The following CNTN6 variants were observed in gnomAD, a reference collection of about 807,000 sequenced individuals.
CNTN6 encodes contactin-6.
In CNTN6, 137 loss-of-function variants were observed where a neutral mutation model predicts 122.8. The observed-to-expected ratio is 1.12, with a 90% CI of 0.97 to 1.29. CNTN6 has a LOEUF of 1.29. Among genes scored for constraint, CNTN6 ranks in the 50% most tolerant of loss-of-function variants. The pLI is 0.00. For missense variants in CNTN6, 1,634 were observed against 1,223.4 expected, an observed-to-expected ratio of 1.34 and a Z score of -5.01; for synonymous variants, 570 against 426.0, an observed-to-expected ratio of 1.34 and a Z score of -4.16.
intron 5 of CNTN6, among the ~76,000 whole-genome samples, chr3:1,281,763 T>G (rs1259429426): frequency 1.3e-5 from 2 of 152,212 alleles, no homozygotes; most frequent in African/African-American, 2.4e-5. Flanking sequence ...CATCAAATTT[T>G]TGATAACTTA....
chr3:1,124,557 C>G (rs547929552), intron 1 of CNTN6, among the ~76,000 whole-genome samples: 1 of 151,870 alleles, frequency 6.6e-6, no homozygotes, highest in Non-Finnish European at 1.5e-5. Context: ...TGGGAGGGAC[C>G]TGAGAGATAA....
intron 1 of CNTN6, among the ~76,000 whole-genome samples, chr3:1,124,555 A>G (rs55661408): frequency 0.42 from 63,091 of 151,536 alleles, 13,437 homozygotes; most frequent in East Asian, 0.48. Context: ...ATTGGGAGGG[A>G]CCTGAGAGAT....
At chr3:1,298,140 A>T (rs1355465610) in intron 7 of CNTN6, 149 bp downstream of exon 7, 4 of 606,334 alleles carry the variant, frequency 6.6e-6, no homozygotes, top group Non-Finnish European at 5.7e-6. Flanking sequence ...TTTGAATTTA[A>T]ACAAACATGT....
rs182195736 is a variant in CNTN6 at position 1,203,463 on chromosome 3, G to A, written c.56-17224G>A. On this transcript the variant is annotated intron_variant, in intron 2 of 22. Coordinates refer to ENST00000446702, the MANE Select transcript of CNTN6 (RefSeq NM_001289080.2). Reference sequence around the variant, plus strand: ...GTGGCATTTTTGCATGGCACATGGGGCAGGAGAAGTACGTGACAGGAATGC... The same window carrying A: ...GTGGCATTTTTGCATGGCACATGGGACAGGAGAAGTACGTGACAGGAATGC... Among the ~76,000 whole-genome samples the A allele has an allele frequency of 1.5e-3, 225 of 152,298 alleles. 1 individual carries two copies. Among genetic ancestry groups the A allele is most frequent in the African/African-American group, 5.3e-3 (219 of 41,572 alleles).
At chr3:1,366,212 A>C (rs1409934013) in intron 12 of CNTN6, among the ~76,000 whole-genome samples, 3 of 152,218 alleles carry the variant, frequency 2.0e-5, no homozygotes, top group African/African-American at 7.2e-5. Context: ...ATGCAAGAAG[A>C]ATAGCATGAC....
At chr3:1,181,320 GA>G (rs1197830073) in intron 2 of CNTN6, among the ~76,000 whole-genome samples, 2 of 152,110 alleles carry the variant, frequency 1.3e-5, no homozygotes, top group Admixed American at 1.3e-4. Flanking sequence ...GAAAAATCCT[GA>G]GGTTGCTCTC....
intron 7 of CNTN6, among the ~76,000 whole-genome samples, chr3:1,314,085 GA>G (rs1211547821): frequency 6.6e-6 from 1 of 152,014 alleles, no homozygotes; most frequent in African/African-American, 2.4e-5. Context: ...ACAGAATCAT[GA>G]CTCCATTTAC....
chr3:1,360,342 A>T (rs559179123), intron 12 of CNTN6, among the ~76,000 whole-genome samples: 1 of 152,132 alleles, frequency 6.6e-6, no homozygotes, highest in Non-Finnish European at 1.5e-5. Context: ...TCATGTTTTA[A>T]ATCTGTTATC....
At chr3:1,213,502 TTTTTA>T (rs2094078057) in intron 2 of CNTN6, among the ~76,000 whole-genome samples, 2 of 151,972 alleles carry the variant, frequency 1.3e-5, no homozygotes, top group African/African-American at 2.4e-5. Flanking sequence ...ATATAACGCA[TTTTTA>T]TTTTAATCAT....
At chr3:1,368,571 A>G (rs1233927490) in intron 12 of CNTN6, among the ~76,000 whole-genome samples, 2 of 152,182 alleles carry the variant, frequency 1.3e-5, no homozygotes, top group Non-Finnish European at 1.5e-5. Context: ...ATTTGCCAGG[A>G]GTGACTGATG....
intron 13 of CNTN6, 41 bp downstream of exon 13, chr3:1,372,515 A>G (rs748753914): frequency 1.3e-6 from 2 of 1,494,520 alleles, no homozygotes; most frequent in Non-Finnish European, 1.8e-6. Flanking sequence ...AAAATGAATC[A>G]AGTCTTTTAC....
At chr3:1,170,381 T>C (rs959900990) in intron 2 of CNTN6, among the ~76,000 whole-genome samples, 7 of 151,544 alleles carry the variant, frequency 4.6e-5, no homozygotes, top group African/African-American at 1.2e-4. Flanking sequence ...GACCAAAATA[T>C]GGGTAACGTA....
At chr3:1,218,979 AG>A (rs2094167546) in intron 2 of CNTN6, among the ~76,000 whole-genome samples, 1 of 133,788 alleles carries the variant, frequency 7.5e-6, no homozygotes, top group Non-Finnish European at 1.5e-5. Context: ...AATTCAAAGA[AG>A]GGTAAGGACA....
chr3:1,255,833 G>A (rs923533626), intron 4 of CNTN6, among the ~76,000 whole-genome samples: 1 of 151,850 alleles, frequency 6.6e-6, no homozygotes, highest in African/African-American at 2.4e-5. Context: ...GCACCACCAT[G>A]ACTGGCTAAT....
chr3:1,204,443 C>T (rs971265398), intron 2 of CNTN6, among the ~76,000 whole-genome samples: 3 of 152,130 alleles, frequency 2.0e-5, no homozygotes, highest in Admixed American at 1.3e-4. Flanking sequence ...TAGTTGGTCC[C>T]TCAGCGTCAA....
At chr3:1,107,222 C>T (rs2091268360) in intron 1 of CNTN6, among the ~76,000 whole-genome samples, 1 of 152,086 alleles carries the variant, frequency 6.6e-6, no homozygotes, top group Non-Finnish European at 1.5e-5. Flanking sequence ...AAGAGAAATT[C>T]AGTTGACCTT....
intron 5 of CNTN6, among the ~76,000 whole-genome samples, chr3:1,281,301 C>G (rs982605090): frequency 6.6e-6 from 1 of 152,088 alleles, no homozygotes; most frequent in African/African-American, 2.4e-5. Flanking sequence ...GAGAAACGTC[C>G]TAGAAATATA....
chr3:1,160,902 T>C (rs959207113), intron 2 of CNTN6, among the ~76,000 whole-genome samples: 1 of 151,984 alleles, frequency 6.6e-6, no homozygotes, highest in Non-Finnish European at 1.5e-5. Flanking sequence ...TAAATAGACA[T>C]CCAATTAAAA....
chr3:1,283,197 C>A (rs763875784), intron 5 of CNTN6, among the ~76,000 whole-genome samples: 1 of 152,110 alleles, frequency 6.6e-6, no homozygotes, highest in African/African-American at 2.4e-5. Context: ...TCATGTGATC[C>A]GCCTGCCTCG....
Sources: gnomAD v4.1 joint callset for allele counts (sites outside exome capture counted in the v4.1 genomes callset) on GRCh38, gnomAD v4.1.1 for gene constraint, MANE v1.5 for transcripts, NCBI Gene and HGNC (gene_info 2026-07-23, HGNC 2026-07-21) for gene names.